The following GLI3 variants were observed in gnomAD, a reference collection of about 807,000 sequenced individuals.
The protein encoded by GLI3 is GLI family zinc finger 3, also known as transcription activator GLI3.
Under a neutral mutation model 100.8 loss-of-function variants are expected in GLI3, and 20 were observed. That is an observed-to-expected ratio of 0.20 (90% CI 0.14 to 0.29). The LOEUF (loss-of-function observed/expected upper bound fraction) is 0.29, where lower values mean the gene tolerates loss of function less well. GLI3 is among the 10% of genes least tolerant of loss of function. GLI3 has a pLI of 1.00. For missense variants in GLI3, 2,040 were observed against 2,128.5 expected, an observed-to-expected ratio of 0.96 and a Z score of 0.82; for synonymous variants, 938 against 860.5, an observed-to-expected ratio of 1.09 and a Z score of -1.58.
chr7:42,147,585 T>C (rs1786745551), intron 3 of GLI3, among the ~76,000 whole-genome samples: 1 of 152,202 alleles, frequency 6.6e-6, no homozygotes, highest in South Asian at 2.1e-4. Context: ...TATTCTGCCG[T>C]TGGAGAAAAC....
rs184821595 is a variant in GLI3 at position 42,141,737 on chromosome 7, T to C, written c.367+6489A>G. On this transcript the variant is annotated intron_variant, in intron 3 of 14. Transcript: ENST00000395925. ...AAATGTACCATAAATACTTTGTACA[T>C]TGCCTGCTCTCAGGAAGGATTAGGT... Among the ~76,000 whole-genome samples the C allele has an allele frequency of 2.0e-4, 30 of 152,304 alleles. 1 individual carries two copies. The highest frequency in any genetic ancestry group is 1.8e-3 in the Admixed American group (28 of 15,306).
intron 3 of GLI3, among the ~76,000 whole-genome samples, chr7:42,102,717 T>C (rs1021541178): frequency 6.6e-6 from 1 of 152,166 alleles, no homozygotes; most frequent in Non-Finnish European, 1.5e-5. Context: ...AGACGTAAAT[T>C]ATCTAAGGCT....
At chr7:42,238,965 A>T (rs1450058931), upstream of GLI3, among the ~76,000 whole-genome samples, 1 of 152,196 alleles carries the variant, frequency 6.6e-6, no homozygotes, top group Non-Finnish European at 1.5e-5. Context: ...GCATTTTGAG[A>T]TTCAAATGCT....
At chr7:42,203,313 G>A (rs762854908) in intron 2 of GLI3, among the ~76,000 whole-genome samples, 4 of 152,182 alleles carry the variant, frequency 2.6e-5, no homozygotes, top group African/African-American at 7.2e-5. Flanking sequence ...TTACCATGCC[G>A]TACAATAGCT....
rs1787150310 is a variant in GLI3, at chr7:41,965,710, T to C, written c.3363A>G (p.Lys1121=). 6.2e-7 allele frequency: 1 copy of C among 1,613,668 alleles called. No homozygotes were observed. Among genetic ancestry groups the C allele is most frequent in the East Asian group, 2.2e-5 (1 of 44,822 alleles). The change falls in exon 15 of 15, where the codon AAA becomes AAG. Residue 1121 remains lysine (K), a synonymous_variant. Transcript: ENST00000395925. ...CAAAGTCACCGGGCCCGTGGGGCAC[T>C]TTGCTGTCGTCCGGGAGGGCGCTGG... ...HFPSALPDDS[K]VPHGPGDFDA...
At chr7:41,971,315 CTT>C (rs2128709382) in intron 13 of GLI3, among the ~76,000 whole-genome samples, 1 of 152,322 alleles carries the variant, frequency 6.6e-6, no homozygotes, top group South Asian at 2.1e-4. Flanking sequence ...GAGCATGAAA[CTT>C]CTCTCTGGTA....
chr7:42,190,262 A>T (rs2128687589), intron 2 of GLI3, among the ~76,000 whole-genome samples: 1 of 152,274 alleles, frequency 6.6e-6, no homozygotes, highest in Non-Finnish European at 1.5e-5. Flanking sequence ...AGAATTTATA[A>T]ATATATCCCG....
chr7:42,228,680 T>A (rs1407034100), intron 1 of GLI3, among the ~76,000 whole-genome samples: 1 of 152,188 alleles, frequency 6.6e-6, no homozygotes, highest in East Asian at 1.9e-4. Flanking sequence ...TAATAAAACA[T>A]TGGGGATCCC....
At chr7:42,225,741 T>C (rs939052323) in intron 1 of GLI3, among the ~76,000 whole-genome samples, 2 of 152,340 alleles carry the variant, frequency 1.3e-5, no homozygotes, top group South Asian at 2.1e-4. Flanking sequence ...GATGAACTAA[T>C]GAATGAACTG....
At chr7:42,099,448 T>C (rs1562728718) in intron 3 of GLI3, among the ~76,000 whole-genome samples, 1 of 152,240 alleles carries the variant, frequency 6.6e-6, no homozygotes. Flanking sequence ...ACAGTAAACA[T>C]ATTTGTAATT....
intron 3 of GLI3, among the ~76,000 whole-genome samples, chr7:42,104,290 T>A (rs1417730958): frequency 6.6e-6 from 1 of 152,214 alleles, no homozygotes; most frequent in Non-Finnish European, 1.5e-5. Flanking sequence ...ACATACTGCG[T>A]ACCCAACATC....
intron 2 of GLI3, among the ~76,000 whole-genome samples, chr7:42,199,391 T>C (rs1361443791): frequency 6.6e-6 from 1 of 152,150 alleles, no homozygotes; most frequent in Admixed American, 6.5e-5. Context: ...CCGTTAGAAC[T>C]CTGATTTACC....
chr7:42,260,811 C>T (rs761435679), intron 1 of GLI3, among the ~76,000 whole-genome samples: 19 of 152,102 alleles, frequency 1.2e-4, no homozygotes, highest in Non-Finnish European at 1.2e-4. Context: ...ACAGCAATCT[C>T]AATTTTCCTG....
intron 10 of GLI3, among the ~76,000 whole-genome samples, chr7:42,016,166 C>G (rs1026402988): frequency 2.0e-5 from 3 of 152,078 alleles, no homozygotes; most frequent in Non-Finnish European, 4.4e-5. Flanking sequence ...AGTGGAGAAA[C>G]CTTGGTTTGG....
At position 41,966,263 on chromosome 7, in the gene GLI3, G is replaced by A; in HGVS notation, c.2810C>T (p.Thr937Ile). 1 of 1,607,918 alleles carries A rather than the reference G, an allele frequency of 6.2e-7. No individual in the cohort carries two copies. Among genetic ancestry groups the A allele is most frequent in the African/African-American group, 1.3e-5 (1 of 75,026 alleles). Residue 937 changes from threonine (T) to isoleucine (I), a missense_variant, in exon 15 of 15, where the codon ACA becomes ATA. This residue lies in a region of GLI3 where 1,041 missense variants were observed against 924.0 expected (regional missense o/e 1.13). Transcript: ENST00000395925. The surrounding 1 kb of genome is among the most constrained non-coding windows in gnomAD (Gnocchi z 5.8). ...YRLKAKYAAA[T>I]GGPPPTPLPN... ...CAGGGGCGTCGGCGGCGGCCCTCCTGTGGCAGCCGCGTACTTGGCCTTGAG... is the reference window on the plus strand; with the variant it reads ...CAGGGGCGTCGGCGGCGGCCCTCCTATGGCAGCCGCGTACTTGGCCTTGAG...
intron 1 of GLI3, among the ~76,000 whole-genome samples, chr7:42,230,165 A>AT (rs574309788): frequency 1.4e-5 from 2 of 145,310 alleles, no homozygotes; most frequent in African/African-American, 2.6e-5. Flanking sequence ...ATTTTTAACC[A>AT]TTTTTTCATG....
At chr7:42,138,088 G>A (rs1052314660) in intron 3 of GLI3, among the ~76,000 whole-genome samples, 3 of 152,158 alleles carry the variant, frequency 2.0e-5, no homozygotes, top group African/African-American at 7.2e-5. Context: ...ACAAGAACCT[G>A]ATTTGTTTTG....
At chr7:42,182,664 A>ATATATATATATACATGTGTGTGTG (rs1787629217) in intron 2 of GLI3, among the ~76,000 whole-genome samples, 7 of 78,318 alleles carry the variant, frequency 8.9e-5, no homozygotes, top group African/African-American at 3.8e-4. Context: ...ATATATATAT[A>ATATATATATATACATGTGTGTGTG]TATATATATA....
chr7:42,105,481 G>A (rs551821915), intron 3 of GLI3, among the ~76,000 whole-genome samples: 23 of 152,118 alleles, frequency 1.5e-4, no homozygotes, highest in Non-Finnish European at 2.9e-4. Flanking sequence ...AGAGAAAAGC[G>A]AGAAGCGAAA....
Sources: allele counts gnomAD v4.1 joint callset (sites outside exome capture counted in the v4.1 genomes callset), GRCh38; gene constraint gnomAD v4.1.1; regional missense constraint gnomAD v4.1.1; non-coding constraint Gnocchi (gnomAD v3.1); transcripts MANE v1.5; gene names NCBI Gene and HGNC (gene_info 2026-07-23, HGNC 2026-07-21).